Variants in PIK3C2G observed in about 807,000 individuals in gnomAD.
PIK3C2G encodes the protein phosphatidylinositol 3-kinase C2 domain-containing subunit gamma.
Under a neutral mutation model 181.1 loss-of-function variants are expected in PIK3C2G, and 168 were observed. The ratio of observed to expected loss-of-function variants is 0.93; its 90% confidence interval spans 0.82 to 1.05. The LOEUF (loss-of-function observed/expected upper bound fraction) is 1.05. Among genes scored for constraint, PIK3C2G ranks in the 50% least tolerant of loss-of-function variants. PIK3C2G has a pLI of 0.00. For missense variants in PIK3C2G, 1,869 were observed against 1,732.8 expected, an observed-to-expected ratio of 1.08 and a Z score of -1.40; for synonymous variants, 573 against 592.2, an observed-to-expected ratio of 0.97 and a Z score of 0.47.
In PIK3C2G at chr12:18,346,514, A is replaced by G. The variant is rs75918863; in HGVS notation, c.1430-127A>G. ...AGGTACAGATAGTTAATTCTCTTCA[A>G]TTGGTAAAGGGTCACTTTAATTAAA... is the stretch of plus-strand genomic sequence containing the variant. On this transcript the variant is annotated intron_variant, in intron 10 of 32. Coordinates refer to ENST00000538779, the MANE Select transcript of PIK3C2G (RefSeq NM_001288772.2). 2.3e-3 allele frequency: 1,228 copies of G among 544,748 alleles called. 10 individuals carry two copies. Among genetic ancestry groups the G allele is most frequent in the African/African-American group, 0.022 (1,134 of 51,764 alleles). The allele number at this position is 544,748 out of a possible 1,614,324, so 33.7% of individuals were successfully genotyped here.
chr12:18,644,746 T>C (rs1950027260), intron 32 of PIK3C2G, among the ~76,000 whole-genome samples: 1 of 152,188 alleles, frequency 6.6e-6, no homozygotes, highest in Non-Finnish European at 1.5e-5. Context: ...CCAAAGCTCA[T>C]GGTTACCGCA....
chr12:18,578,174 C>G (rs757798988), intron 29 of PIK3C2G, among the ~76,000 whole-genome samples: 3 of 152,178 alleles, frequency 2.0e-5, no homozygotes, highest in African/African-American at 7.2e-5. Flanking sequence ...CTGGGAAACT[C>G]TACCCCAGAA....
At chr12:18,327,567 A>G (rs182762342) in intron 8 of PIK3C2G, among the ~76,000 whole-genome samples, 3 of 152,184 alleles carry the variant, frequency 2.0e-5, no homozygotes, top group Non-Finnish European at 4.4e-5. Context: ...TATTATGTCA[A>G]ATGGCTAGTT....
chr12:18,530,279 A>C (rs1386009352), intron 24 of PIK3C2G, among the ~76,000 whole-genome samples: 2 of 152,186 alleles, frequency 1.3e-5, no homozygotes, highest in Non-Finnish European at 2.9e-5. Flanking sequence ...TCCCTTCTGA[A>C]GTCAGTCCTT....
At chr12:18,522,106 T>G (rs1343475964) in intron 24 of PIK3C2G, among the ~76,000 whole-genome samples, 1 of 152,204 alleles carries the variant, frequency 6.6e-6, no homozygotes, top group Non-Finnish European at 1.5e-5. Flanking sequence ...CCTGGATACC[T>G]TAATTGCCAG....
intron 5 of PIK3C2G, among the ~76,000 whole-genome samples, chr12:18,311,043 T>C (rs1473825761): frequency 6.6e-6 from 1 of 152,030 alleles, no homozygotes; most frequent in African/African-American, 2.4e-5. Context: ...CTTATCTCTT[T>C]TATTTTGTAG....
intron 22 of PIK3C2G, among the ~76,000 whole-genome samples, chr12:18,502,430 T>C (rs942770444): frequency 6.6e-6 from 1 of 152,216 alleles, no homozygotes; most frequent in African/African-American, 2.4e-5. Context: ...ACTCCTGCAA[T>C]TGTCGAGACT....
At chr12:18,601,711 A>G (rs564761137) in intron 30 of PIK3C2G, among the ~76,000 whole-genome samples, 1 of 152,278 alleles carries the variant, frequency 6.6e-6, no homozygotes, top group Non-Finnish European at 1.5e-5. Context: ...CATTTTTCAC[A>G]GAGTTTGAAA....
intron 24 of PIK3C2G, among the ~76,000 whole-genome samples, chr12:18,506,201 C>T (rs1226102056): frequency 6.6e-6 from 1 of 151,838 alleles, no homozygotes; most frequent in Non-Finnish European, 1.5e-5. Flanking sequence ...GCAGTGAGCA[C>T]AGAAATGAGC....
intron 12 of PIK3C2G, among the ~76,000 whole-genome samples, chr12:18,369,178 G>A (rs1277858130): frequency 2.6e-5 from 4 of 152,144 alleles, no homozygotes; most frequent in Admixed American, 6.5e-5. Flanking sequence ...AAAGATGCTC[G>A]GTCACTCTTC....
intron 13 of PIK3C2G, among the ~76,000 whole-genome samples, chr12:18,378,001 G>A (rs751447794): frequency 3.9e-5 from 6 of 152,050 alleles, no homozygotes; most frequent in Non-Finnish European, 8.8e-5. Flanking sequence ...GGATATAACA[G>A]GCATGCATCA....
At chr12:18,310,517 A>G (rs10505812) in intron 5 of PIK3C2G, among the ~76,000 whole-genome samples, 34,982 of 151,800 alleles carry the variant, frequency 0.23, 4,343 homozygotes, top group African/African-American at 0.32. Context: ...CTACTTGAGC[A>G]GTTGTAAGGT....
chr12:18,700,627 G>C, the PIK3C2G span, among the ~76,000 whole-genome samples: 14 of 150,482 alleles, frequency 9.3e-5, no homozygotes, highest in African/African-American at 3.2e-4. Context: ...CACCAACACA[G>C]AGAAAGTGGG....
Position 18,491,441 on chromosome 12 carries a change from T to C in PIK3C2G, c.2686-10T>C, listed in dbSNP as rs1415440918. The C allele has an allele frequency of 1.4e-6, 2 of 1,385,318 alleles. No individual in the cohort carries two copies. Among genetic ancestry groups the C allele is most frequent in the Non-Finnish European group, 2.0e-6 (2 of 987,738 alleles). The allele number at this position is 1,385,318 out of a possible 1,614,324, so 85.8% of individuals were successfully genotyped here. A position where few individuals can be genotyped will look rare whatever the true frequency, so the allele number is the denominator to read the frequency against. Reference sequence around the variant, plus strand: ...TTTTCTTAAATCCTTTTTCTAATGATTTTTCACAGGAGGTACTGAAGAAAG... The same window carrying C: ...TTTTCTTAAATCCTTTTTCTAATGACTTTTCACAGGAGGTACTGAAGAAAG... On this transcript the variant is annotated splice_polypyrimidine_tract_variant and intron_variant, in intron 19 of 32. Transcript: ENST00000538779.
At chr12:18,274,341 G>C (rs1392694229) in intron 1 of PIK3C2G, among the ~76,000 whole-genome samples, 1 of 152,174 alleles carries the variant, frequency 6.6e-6, no homozygotes, top group Non-Finnish European at 1.5e-5. Context: ...CTGCTATAAA[G>C]ACACATGCAC....
chr12:18,688,271 C>T, the PIK3C2G span: 3 of 1,529,426 alleles, frequency 2.0e-6, no homozygotes, highest in Non-Finnish European at 1.8e-6. Context: ...AGTTACATCA[C>T]CATTTATTTC....
chr12:18,267,173 T>A (rs777120981), intron 1 of PIK3C2G, among the ~76,000 whole-genome samples: 135 of 152,058 alleles, frequency 8.9e-4, no homozygotes, highest in Non-Finnish European at 1.5e-3. Context: ...AAAATTTAGT[T>A]TTCTGATGTA....
chr12:18,536,516 G>A (rs1392587150), intron 24 of PIK3C2G, among the ~76,000 whole-genome samples: 1 of 152,070 alleles, frequency 6.6e-6, no homozygotes, highest in Admixed American at 6.6e-5. Context: ...CTGGTTCACA[G>A]GCCCACAGTT....
At chr12:18,469,557 C>T (rs4303280) in intron 18 of PIK3C2G, among the ~76,000 whole-genome samples, 28,079 of 151,842 alleles carry the variant, frequency 0.18, 3,435 homozygotes, top group African/African-American at 0.35. Context: ...ATTAAATATA[C>T]TACTCTGACT....
Sources: gnomAD v4.1 joint callset for allele counts (sites outside exome capture counted in the v4.1 genomes callset) on GRCh38, gnomAD v4.1.1 for gene constraint, MANE v1.5 for transcripts, NCBI Gene and HGNC (gene_info 2026-07-23, HGNC 2026-07-21) for gene names.